Variants in CUX2 observed in about 807,000 individuals in gnomAD.
The protein encoded by CUX2 is homeobox protein cut-like 2.
In CUX2, 40 loss-of-function variants were observed where a neutral mutation model predicts 144.8. That is an observed-to-expected ratio of 0.28 (90% CI 0.21 to 0.36). CUX2 has a LOEUF of 0.36. Ranked by LOEUF, CUX2 falls within the 10% of genes least tolerant of loss-of-function variation. The pLI is 1.00. For missense variants in CUX2, 1,615 were observed against 1,994.0 expected (o/e 0.81, Z 3.62); for synonymous variants, 827 against 875.6 (o/e 0.94, Z 0.98).
Position 111,130,149 on chromosome 12 carries a change from T to C in CUX2, c.64-84051T>C, listed in dbSNP as rs1284524411. Among the ~76,000 whole-genome samples the C allele has an allele frequency of 3.3e-5, 5 of 152,326 alleles. No individual in the cohort carries two copies. The East Asian group carries it at 5.8e-4, about 18-fold the overall frequency. ...GGAGAAAAATTAACAGTATAAACTT[T>C]TGGCAGTATACCAAGGTCCTCCCTT... On this transcript the variant is annotated intron_variant, in intron 1 of 21. Coordinates refer to ENST00000261726, the MANE Select transcript of CUX2 (RefSeq NM_015267.4).
chr12:111,099,943 T>C (rs1345273550), intron 1 of CUX2: 1 of 457,338 alleles, frequency 2.2e-6, no homozygotes, highest in Non-Finnish European at 4.4e-6. Flanking sequence ...AGAACCTGCG[T>C]CAGCTCAGAG....
intron 1 of CUX2, among the ~76,000 whole-genome samples, chr12:111,146,601 T>C (rs1309655373): frequency 6.7e-6 from 1 of 149,028 alleles, no homozygotes; most frequent in Non-Finnish European, 1.5e-5. Flanking sequence ...TTATCACATT[T>C]TACAGAAGAG....
intron 1 of CUX2, among the ~76,000 whole-genome samples, chr12:111,071,867 C>G (rs1871265966): frequency 6.6e-6 from 1 of 152,312 alleles, no homozygotes; most frequent in East Asian, 1.9e-4. Flanking sequence ...GTTGAAAAGA[C>G]AAATATCTCT....
In CUX2 at chr12:111,034,839, C is replaced by T. The variant is rs1304083968; in HGVS notation, c.63+599C>T. ...TTCGCCGCCCGCCTGGCTGCGCAGC[C>T]CGGACGCGCCGCCACCCGGGGGCCG... On this transcript the variant is annotated intron_variant, in intron 1 of 21. Transcript: ENST00000261726. This position sits in a 1 kb window ranked among gnomAD's most constrained non-coding sequence, Gnocchi z 4.2. 6.7e-6 allele frequency among the ~76,000 whole-genome samples: 1 copy of T among 148,864 alleles called. No individual in the cohort carries two copies. The highest frequency in any genetic ancestry group is 1.5e-5 in the Non-Finnish European group (1 of 66,752).
At chr12:111,334,971 T>G (rs1252234937) in intron 19 of CUX2, among the ~76,000 whole-genome samples, 2 of 152,212 alleles carry the variant, frequency 1.3e-5, no homozygotes, top group Non-Finnish European at 2.9e-5. Context: ...GGTGCATGCC[T>G]GTAGTCCTAG....
intron 9 of CUX2, among the ~76,000 whole-genome samples, chr12:111,303,206 G>A (rs1886385508): frequency 9.0e-6 from 1 of 110,672 alleles, no homozygotes; most frequent in Admixed American, 1.0e-4. Flanking sequence ...GGGTGACAGA[G>A]CGAGACCCTG....
chr12:111,328,247 G>A (rs999230995), intron 18 of CUX2, among the ~76,000 whole-genome samples: 1 of 152,132 alleles, frequency 6.6e-6, no homozygotes, highest in African/African-American at 2.4e-5. Flanking sequence ...GTGGGGCTGG[G>A]TGTCAGGACC....
At chr12:111,231,223 C>G (rs1882450269) in intron 3 of CUX2, among the ~76,000 whole-genome samples, 1 of 152,106 alleles carries the variant, frequency 6.6e-6, no homozygotes, top group African/African-American at 2.4e-5. Flanking sequence ...TCCCCCAGCC[C>G]CTGGCACCCA....
intron 1 of CUX2, among the ~76,000 whole-genome samples, chr12:111,067,553 G>A (rs1306756951): frequency 6.6e-6 from 1 of 152,176 alleles, no homozygotes; most frequent in Non-Finnish European, 1.5e-5. Context: ...GGTTGTTTAA[G>A]CTTGTTCAGA....
rs895449121 is a variant in CUX2 at position 111,160,935 on chromosome 12, C to T, written c.64-53265C>T. On this transcript the variant is annotated intron_variant, in intron 1 of 21. Transcript: ENST00000261726. This position sits in a 1 kb window ranked among gnomAD's most constrained non-coding sequence, Gnocchi z 4.1. The stretch of plus-strand genomic sequence containing the variant: ...GGAGGAATAGCGGGAGCAGATGGGA[C>T]GTGAGAGTGCAGAGTTCCCTTTTGG... Among the ~76,000 whole-genome samples, 5 of 152,128 alleles carry T rather than the reference C, an allele frequency of 3.3e-5. No individual in the cohort carries two copies. Among genetic ancestry groups the T allele is most frequent in the Admixed American group, 6.5e-5 (1 of 15,274 alleles).
intron 3 of CUX2, among the ~76,000 whole-genome samples, chr12:111,230,581 T>C (rs1350147912): frequency 1.3e-5 from 2 of 152,182 alleles, no homozygotes; most frequent in African/African-American, 4.8e-5. Context: ...CTGCAAGCTT[T>C]AAAAAATACT....
intron 1 of CUX2, among the ~76,000 whole-genome samples, chr12:111,087,366 C>T (rs567903366): frequency 2.2e-5 from 1 of 45,052 alleles, no homozygotes; most frequent in Non-Finnish European, 5.2e-5. Context: ...GACTCCATCT[C>T]AAAAAAAAAA....
chr12:111,343,205 C>T (rs1354687778), intron 21 of CUX2, among the ~76,000 whole-genome samples: 1 of 152,018 alleles, frequency 6.6e-6, no homozygotes, highest in African/African-American at 2.4e-5. Context: ...CCCCTGGTAT[C>T]CTCTTCAGGC....
At chr12:111,085,947 T>C (rs1274563241) in intron 1 of CUX2, among the ~76,000 whole-genome samples, 3 of 152,196 alleles carry the variant, frequency 2.0e-5, no homozygotes, top group Non-Finnish European at 4.4e-5. Flanking sequence ...TATTATTGGT[T>C]TGGGAAATGC....
intron 1 of CUX2, among the ~76,000 whole-genome samples, chr12:111,188,361 C>G (rs550670076): frequency 6.6e-6 from 1 of 152,116 alleles, no homozygotes; most frequent in Non-Finnish European, 1.5e-5. Context: ...AAGAGAGACA[C>G]GGACCCTGCC....
At chr12:111,262,997 C>G (rs1327901493) in intron 3 of CUX2, among the ~76,000 whole-genome samples, 3 of 152,210 alleles carry the variant, frequency 2.0e-5, no homozygotes, top group African/African-American at 7.2e-5. Context: ...GAGGTAGGTC[C>G]TGTTATTTAC....
intron 7 of CUX2, among the ~76,000 whole-genome samples, chr12:111,296,054 T>C (rs1885968865): frequency 6.6e-6 from 1 of 151,300 alleles, no homozygotes; most frequent in African/African-American, 2.4e-5. Context: ...TCTTCCGGCC[T>C]GCCAGGTTGG....
At chr12:111,139,780 A>G (rs1876173393) in intron 1 of CUX2, among the ~76,000 whole-genome samples, 3 of 152,190 alleles carry the variant, frequency 2.0e-5, no homozygotes, top group African/African-American at 4.8e-5. Context: ...AAGCGTTCAG[A>G]ACAATTTTCT....
chr12:111,340,489 G>C (rs868482205), intron 20 of CUX2, among the ~76,000 whole-genome samples: 1 of 152,126 alleles, frequency 6.6e-6, no homozygotes, highest in Non-Finnish European at 1.5e-5. Flanking sequence ...TGGGAGGATT[G>C]CTTGAGGCCA....
Sources: allele counts gnomAD v4.1 joint callset (sites outside exome capture counted in the v4.1 genomes callset), GRCh38; gene constraint gnomAD v4.1.1; non-coding constraint Gnocchi (gnomAD v3.1); transcripts MANE v1.5; gene names NCBI Gene and HGNC (gene_info 2026-07-23, HGNC 2026-07-21).